TNFRSF1B: variants seen among roughly 807,000 people sequenced by gnomAD.
The protein encoded by TNFRSF1B is tumor necrosis factor receptor superfamily member 1B.
A neutral mutation model predicts 44.6 loss-of-function variants in TNFRSF1B; 19 were observed. The ratio of observed to expected loss-of-function variants is 0.43; its 90% confidence interval spans 0.30 to 0.62. The LOEUF is 0.62. Among genes scored for constraint, TNFRSF1B ranks in the 20% least tolerant of loss-of-function variants. The pLI is 0.16. For missense variants in TNFRSF1B, 541 were observed against 619.9 expected (o/e 0.87, Z 1.35); for synonymous variants, 252 against 261.1 (o/e 0.97, Z 0.34).
chr1:12,179,282 C>G (rs1638735737), intron 1 of TNFRSF1B, among the ~76,000 whole-genome samples: 1 of 152,158 alleles, frequency 6.6e-6, no homozygotes, highest in South Asian at 2.1e-4. Flanking sequence ...GATGCCATTC[C>G]TCTCCGTGAC....
rs372008909 is a variant in TNFRSF1B, at chr1:12,196,539, C to T, written c.900+1921C>T. ...GCTCAGCCCTGGGCAGCCCAATACC[C>T]GAAGCTTACACCAGGTGTTTGGAAT... On this transcript the variant is annotated intron_variant, in intron 8 of 9. Transcript: ENST00000376259. Among the ~76,000 whole-genome samples the T allele has an allele frequency of 5.9e-5, 9 of 152,096 alleles. No individual in the cohort carries two copies. The South Asian group carries it at 6.2e-4, about 11-fold the overall frequency.
chr1:12,169,155 C>A lies in TNFRSF1B; in HGVS notation c.78+1986C>A, dbSNP rs1570117639. Among the ~76,000 whole-genome samples the A allele has an allele frequency of 6.6e-6, 1 of 152,230 alleles. No individual in the cohort carries two copies. The highest frequency in any genetic ancestry group is 1.9e-4 in the East Asian group (1 of 5,200). On this transcript the variant is annotated intron_variant, in intron 1 of 9. Transcript: ENST00000376259. This position sits in a 1 kb window ranked among gnomAD's most constrained non-coding sequence, Gnocchi z 4.5. ...AGTTGGATTTGATCTTCTCTTCGAACTCCCAGGCCCTTTTGTTCCCTTTGA... is the reference window on the plus strand; with the variant it reads ...AGTTGGATTTGATCTTCTCTTCGAAATCCCAGGCCCTTTTGTTCCCTTTGA...
At chr1:12,195,689 TGGAGGA>T (rs1639250910) in intron 8 of TNFRSF1B, among the ~76,000 whole-genome samples, 2 of 152,150 alleles carry the variant, frequency 1.3e-5, no homozygotes, top group East Asian at 3.9e-4. Context: ...CCAGCCTCTA[TGGAGGA>T]GGAGGACAAG....
intron 1 of TNFRSF1B, among the ~76,000 whole-genome samples, chr1:12,181,380 A>T (rs1256402836): frequency 1.3e-5 from 2 of 152,036 alleles, no homozygotes; most frequent in Non-Finnish European, 2.9e-5. Flanking sequence ...GGAGTCTGGG[A>T]GAAGATGATG....
At chr1:12,202,237 C>T in intron 9 of TNFRSF1B, 66 bp downstream of exon 9, 7 of 1,521,486 alleles carry the variant, frequency 4.6e-6, no homozygotes, top group Non-Finnish European at 6.1e-6. Context: ...TGGTTTCTGT[C>T]TTAGCCATCT....
At chr1:12,170,493 C>G (rs1638496992) in intron 1 of TNFRSF1B, among the ~76,000 whole-genome samples, 1 of 152,238 alleles carries the variant, frequency 6.6e-6, no homozygotes, top group Non-Finnish European at 1.5e-5. Context: ...ATCCTGGCAC[C>G]TGGCACAGTG....
Position 12,180,152 on chromosome 1 carries a change from G to C in TNFRSF1B, c.79-8644G>C, listed in dbSNP as rs77209231. Among the ~76,000 whole-genome samples, 3 of 152,126 alleles carry C rather than the reference G, an allele frequency of 2.0e-5. No individual in the cohort carries two copies. Among genetic ancestry groups the C allele is most frequent in the Non-Finnish European group, 4.4e-5 (3 of 68,014 alleles). Reference sequence around the variant, plus strand: ...GGAACATTGAAAAGCCATGAAGGCCGGGCACAGCGGCTCACGCCTGTAATC... The same window carrying C: ...GGAACATTGAAAAGCCATGAAGGCCCGGCACAGCGGCTCACGCCTGTAATC... On this transcript the variant is annotated intron_variant, in intron 1 of 9. Transcript: ENST00000376259. The surrounding 1 kb of genome is among the most constrained non-coding windows in gnomAD (Gnocchi z 4.3).
intron 8 of TNFRSF1B, among the ~76,000 whole-genome samples, chr1:12,195,708 A>AG (rs1235842698): frequency 6.6e-6 from 1 of 152,058 alleles, no homozygotes; most frequent in Non-Finnish European, 1.5e-5. Context: ...AGGACAAGGG[A>AG]GGGGGGTTGG....
Position 12,209,057 on chromosome 1 carries a change from A to C in TNFRSF1B, c.*2037A>C, listed in dbSNP as rs1458803184. On this transcript the variant is annotated 3_prime_UTR_variant, in exon 10 of 10. Transcript: ENST00000376259. ...CCCCCTGGTGGACAGTCCTGGGAGA[A>C]CCTCAGGCTTCCTTGGCATCACAGG... The C allele has an allele frequency of 6.6e-6, 1 of 152,270 alleles. No homozygotes were observed. The highest frequency in any genetic ancestry group is 1.5e-5 in the Non-Finnish European group (1 of 68,110). The allele number at this position is 152,270 out of a possible 1,614,324, so 9.4% of individuals were successfully genotyped here.
At chr1:12,193,172 A>G (rs1557635774) in intron 6 of TNFRSF1B, 74 bp downstream of exon 6, 4 of 1,361,754 alleles carry the variant, frequency 2.9e-6, no homozygotes, top group South Asian at 1.2e-5. Flanking sequence ...TTCCTCTCCC[A>G]TGGTTTTACT....
rs1053794297 is a variant in TNFRSF1B at position 12,180,832 on chromosome 1, C to T, written c.79-7964C>T. 6.6e-6 allele frequency among the ~76,000 whole-genome samples: 1 copy of T among 152,218 alleles called. No homozygotes were observed. The highest frequency in any genetic ancestry group is 2.4e-5 in the African/African-American group (1 of 41,454). On this transcript the variant is annotated intron_variant, in intron 1 of 9. Transcript: ENST00000376259. The surrounding 1 kb of genome is among the most constrained non-coding windows in gnomAD (Gnocchi z 4.3). Reference sequence around the variant, plus strand: ...ACCTTCTTGCAGGCTCTCACAGCCGCATCGTCCTCTGGCTGGGCTGCTCAC... The same window carrying T: ...ACCTTCTTGCAGGCTCTCACAGCCGTATCGTCCTCTGGCTGGGCTGCTCAC...
At chr1:12,189,662 G>T (rs894929599) in intron 2 of TNFRSF1B, among the ~76,000 whole-genome samples, 3 of 152,240 alleles carry the variant, frequency 2.0e-5, no homozygotes, top group African/African-American at 7.2e-5. Context: ...TTGCCCTCGT[G>T]GAGTCTGCAT....
At chr1:12,183,056 G>T (rs975752312) in intron 1 of TNFRSF1B, among the ~76,000 whole-genome samples, 1 of 152,252 alleles carries the variant, frequency 6.6e-6, no homozygotes, top group African/African-American at 2.4e-5. Context: ...GCGAATGTCA[G>T]TGAGAAGACC....
chr1:12,190,793 G>A (rs1639099222), intron 2 of TNFRSF1B, among the ~76,000 whole-genome samples, 164 bp from the exon 3 acceptor site: 1 of 151,958 alleles, frequency 6.6e-6, no homozygotes, highest in Non-Finnish European at 1.5e-5. Context: ...TGACGTGATA[G>A]CTGGTACAAT....
In TNFRSF1B at chr1:12,192,415, G is replaced by T; in HGVS notation, c.458-16G>T. On this transcript the variant is annotated splice_polypyrimidine_tract_variant and intron_variant, in intron 4 of 9. Coordinates refer to ENST00000376259, the MANE Select transcript of TNFRSF1B (RefSeq NM_001066.3). ...GAGTGTCTGAGTGGTTGACAAGTTC[G>T]GATTGTTCCCTGAAGGAACTGAAAC... The T allele has an allele frequency of 6.2e-7, 1 of 1,613,224 alleles. No individual in the cohort carries two copies. Among genetic ancestry groups the T allele is most frequent in the Non-Finnish European group, 8.5e-7 (1 of 1,179,412 alleles).
At chr1:12,192,769 C>G (rs1041528790) in intron 5 of TNFRSF1B, 94 bp from the exon 6 acceptor site, 1 of 1,139,420 alleles carries the variant, frequency 8.8e-7, no homozygotes, top group Non-Finnish European at 1.3e-6. Context: ...CATCGTCACT[C>G]TCCTATCCTG....
chr1:12,193,412 T>TA (rs1281471147), intron 6 of TNFRSF1B, among the ~76,000 whole-genome samples: 1 of 152,130 alleles, frequency 6.6e-6, no homozygotes, highest in Admixed American at 6.5e-5. Flanking sequence ...TCCATCTCTA[T>TA]AAAAAAATTA....
intron 3 of TNFRSF1B, 22 bp downstream of exon 3, chr1:12,191,107 G>A: frequency 6.2e-7 from 1 of 1,610,546 alleles, no homozygotes; most frequent in South Asian, 1.1e-5. Flanking sequence ...CAGAGAAAAA[G>A]GGGGCCCTTA....
chr1:12,180,737 G>A lies in TNFRSF1B; in HGVS notation c.79-8059G>A, dbSNP rs1052056046. Among the ~76,000 whole-genome samples, 2 of 151,828 alleles carry A rather than the reference G, an allele frequency of 1.3e-5. No homozygotes were observed. The highest frequency in any genetic ancestry group is 2.9e-5 in the Non-Finnish European group (2 of 68,012). On this transcript the variant is annotated intron_variant, in intron 1 of 9. Coordinates refer to ENST00000376259, the MANE Select transcript of TNFRSF1B (RefSeq NM_001066.3). This position sits in a 1 kb window ranked among gnomAD's most constrained non-coding sequence, Gnocchi z 4.3. ...CAGGGAGGGTGGAACCTGACTGACC[G>A]GGTCAGCCTTACTCTTCCAGCGGGG... is the stretch of plus-strand genomic sequence containing the variant.
Sources: allele counts gnomAD v4.1 joint callset (sites outside exome capture counted in the v4.1 genomes callset), GRCh38; gene constraint gnomAD v4.1.1; non-coding constraint Gnocchi (gnomAD v3.1); transcripts MANE v1.5; gene names NCBI Gene and HGNC (gene_info 2026-07-23, HGNC 2026-07-21).